The following TMEM128 variants were observed in gnomAD, a reference collection of about 807,000 sequenced individuals.
TMEM128 encodes transmembrane protein 128.
A neutral mutation model predicts 19.7 loss-of-function variants in TMEM128; 16 were observed. The observed-to-expected ratio is 0.81, with a 90% confidence interval of 0.55 to 1.23. The LOEUF is 1.23. Ranked by LOEUF, TMEM128 falls within the 50% of genes most tolerant of loss-of-function variation. The pLI, the probability that TMEM128 is intolerant of heterozygous loss-of-function variation, is 0.00. For synonymous variants in TMEM128, 98 were observed against 75.8 expected (o/e 1.29, Z -1.52); for missense variants, 237 against 200.8 (o/e 1.18, Z -1.09).
chr4:4,240,120 A>G (rs1717887026), intron 3 of TMEM128, among the ~76,000 whole-genome samples: 1 of 152,246 alleles, frequency 6.6e-6, no homozygotes, highest in Non-Finnish European at 1.5e-5. Flanking sequence ...GAATGTCACC[A>G]TCTGTGCTTT....
intron 3 of TMEM128, among the ~76,000 whole-genome samples, chr4:4,238,756 G>A (rs1418222031): frequency 2.0e-5 from 3 of 152,106 alleles, no homozygotes; most frequent in South Asian, 4.1e-4. Context: ...CAATTAGGCC[G>A]GGGGTGGTGG....
intron 4 of TMEM128, among the ~76,000 whole-genome samples, chr4:4,237,442 C>A (rs1402820455): frequency 1.3e-5 from 2 of 152,168 alleles, no homozygotes; most frequent in African/African-American, 2.4e-5. Context: ...CAACCCCCGC[C>A]AGCCTGGGCA....
At chr4:4,242,808 C>G (rs886606627) in intron 2 of TMEM128, among the ~76,000 whole-genome samples, 2 of 152,082 alleles carry the variant, frequency 1.3e-5, no homozygotes, top group African/African-American at 4.8e-5. Context: ...CATGAGCCAC[C>G]ATGCCCGGCC....
rs114159565 is a variant in TMEM128 at position 4,247,248 on chromosome 4, C to T, written c.97+858G>A. On this transcript the variant is annotated intron_variant, in intron 1 of 4. Coordinates refer to ENST00000382753, the MANE Select transcript of TMEM128 (RefSeq NM_001297551.2). Reference sequence around the variant, plus strand: ...GATGGATGATTTCTATTAAGTTTTCCGGGGATTCTGACATGCCCTCTAGGT... The same window carrying T: ...GATGGATGATTTCTATTAAGTTTTCTGGGGATTCTGACATGCCCTCTAGGT... Among the ~76,000 whole-genome samples, 680 of 152,124 alleles carry T rather than the reference C, an allele frequency of 4.5e-3. 7 individuals are homozygous for T. The highest frequency in any genetic ancestry group is 0.016 in the African/African-American group (647 of 41,490).
At chr4:4,243,632 C>T (rs1319225468) in intron 2 of TMEM128, among the ~76,000 whole-genome samples, 1 of 152,128 alleles carries the variant, frequency 6.6e-6, no homozygotes, top group East Asian at 1.9e-4. Flanking sequence ...GAAAACAATG[C>T]GACTCAAAAT....
At chr4:4,238,853 C>G (rs551819610) in intron 3 of TMEM128, among the ~76,000 whole-genome samples, 1 of 152,050 alleles carries the variant, frequency 6.6e-6, no homozygotes, top group Non-Finnish European at 1.5e-5. Context: ...AGCAGCACAG[C>G]GAAACCCCAT....
rs1279055150 is a variant in TMEM128, at chr4:4,235,699, C to T, written c.*567G>A. The T allele has an allele frequency of 1.3e-5, 2 of 152,594 alleles. No homozygotes were observed. Among genetic ancestry groups the T allele is most frequent in the African/African-American group, 4.8e-5 (2 of 41,438 alleles). 9.5% of individuals were successfully genotyped at this position (152,594 alleles called of 1,614,324 possible). On this transcript the variant is annotated 3_prime_UTR_variant, in exon 5 of 5. Coordinates refer to ENST00000382753, the MANE Select transcript of TMEM128 (RefSeq NM_001297551.2). ...ATAAAATATTTTCATTTGGTCCTGT[C>T]ACCTAACAAAACTATCATAAATATG... is the stretch of plus-strand genomic sequence containing the variant.
chr4:4,239,331 G>C (rs1285699499), intron 3 of TMEM128, among the ~76,000 whole-genome samples: 1 of 152,138 alleles, frequency 6.6e-6, no homozygotes, highest in South Asian at 2.1e-4. Context: ...AATAAATCAT[G>C]TTATGTCCAT....
At chr4:4,239,770 A>C (rs1356074626) in intron 3 of TMEM128, among the ~76,000 whole-genome samples, 1 of 152,246 alleles carries the variant, frequency 6.6e-6, no homozygotes, top group African/African-American at 2.4e-5. Context: ...ACTGCACACA[A>C]TGCTGCACAC....
chr4:4,240,985 G>A (rs561418865), intron 2 of TMEM128, among the ~76,000 whole-genome samples: 4 of 152,362 alleles, frequency 2.6e-5, no homozygotes, highest in South Asian at 2.1e-4. Context: ...GATGAGGCAG[G>A]AGAATCGCCT....
chr4:4,240,249 C>T, intron 3 of TMEM128, 72 bp downstream of exon 3: 9 of 1,478,766 alleles, frequency 6.1e-6, no homozygotes, highest in Non-Finnish European at 5.5e-6. Flanking sequence ...AAGTTTGGAC[C>T]AAGCATATCA....
Position 4,240,412 on chromosome 4 carries a change from G to A in TMEM128, c.307C>T (p.Leu103=). ...LSIAFYCIVY[L]EWYCGIGEYD... The stretch of plus-strand genomic sequence containing the variant: ...TCTCCAATTCCACAATACCATTCCA[G>A]GTAGACTATGCAGTAAAATGCAATT... The change falls in exon 3 of 5, where the codon CTG becomes TTG. Residue 103 remains leucine (L), a synonymous_variant. Transcript: ENST00000382753. The A allele has an allele frequency of 6.2e-7, 1 of 1,614,054 alleles. No individual in the cohort carries two copies. Among genetic ancestry groups the A allele is most frequent in the Non-Finnish European group, 8.5e-7 (1 of 1,179,954 alleles).
intron 4 of TMEM128, 140 bp downstream of exon 4, chr4:4,237,687 T>C (rs1257686160): frequency 1.7e-6 from 1 of 573,758 alleles, no homozygotes; most frequent in Non-Finnish European, 3.2e-6. Context: ...AATGGATAAT[T>C]CTAGTGTGGA....
intron 4 of TMEM128, chr4:4,237,091 G>T (rs773773293): frequency 4.6e-5 from 21 of 455,638 alleles, no homozygotes; most frequent in Admixed American, 1.2e-4. Context: ...TAGGGAGGCA[G>T]AAATTCTATA....
intron 1 of TMEM128, among the ~76,000 whole-genome samples, chr4:4,247,211 G>C (rs1327744627): frequency 6.6e-6 from 1 of 152,162 alleles, no homozygotes; most frequent in Non-Finnish European, 1.5e-5. Flanking sequence ...TGGGTGGATG[G>C]GGGTTGGGTC....
chr4:4,241,732 CA>C (rs1717964225), intron 2 of TMEM128, among the ~76,000 whole-genome samples: 1 of 152,140 alleles, frequency 6.6e-6, no homozygotes, highest in East Asian at 1.9e-4. Flanking sequence ...TTAACTTGAG[CA>C]AGACTAGTTT....
At chr4:4,241,447 T>C (rs1436374827) in intron 2 of TMEM128, among the ~76,000 whole-genome samples, 2 of 152,178 alleles carry the variant, frequency 1.3e-5, no homozygotes, top group Admixed American at 6.5e-5. Context: ...GGGACTGAAA[T>C]GCCTTTCCCA....
At chr4:4,245,289 T>C (rs1718121915) in intron 2 of TMEM128, among the ~76,000 whole-genome samples, 1 of 152,202 alleles carries the variant, frequency 6.6e-6, no homozygotes, top group South Asian at 2.1e-4. Flanking sequence ...GAGACTATAC[T>C]GAAAGGATCT....
At chr4:4,244,433 C>G (rs1718087647) in intron 2 of TMEM128, among the ~76,000 whole-genome samples, 1 of 152,142 alleles carries the variant, frequency 6.6e-6, no homozygotes, top group Admixed American at 6.5e-5. Context: ...ATGATCGCAC[C>G]ACTACACTCC....
Sources: gnomAD v4.1 joint callset for allele counts (sites outside exome capture counted in the v4.1 genomes callset) on GRCh38, gnomAD v4.1.1 for gene constraint, MANE v1.5 for transcripts, NCBI Gene and HGNC (gene_info 2026-07-23, HGNC 2026-07-21) for gene names.